Variants in SEPTIN3 observed in about 807,000 individuals in gnomAD.
SEPTIN3 encodes septin 3.
In SEPTIN3, 15 loss-of-function variants were observed where a neutral mutation model predicts 45.1. That is an observed-to-expected ratio of 0.33 (90% CI 0.22 to 0.51). SEPTIN3 has a LOEUF of 0.51. SEPTIN3 is among the 20% of genes least tolerant of loss of function. SEPTIN3 has a pLI of 0.97. For missense variants in SEPTIN3, 289 were observed against 457.2 expected, an observed-to-expected ratio of 0.63 and a Z score of 3.35; for synonymous variants, 148 against 164.8, an observed-to-expected ratio of 0.90 and a Z score of 0.78.
chr22:41,994,916 TGTGTGTGA>T lies in SEPTIN3; in HGVS notation c.2505+203_2505+210del. On this transcript the variant is annotated intron_variant, in intron 11 of 11. Coordinates refer to ENST00000644076, the MANE Select transcript of SEPTIN3 (RefSeq NM_001363845.2). The surrounding 1 kb of genome is among the most constrained non-coding windows in gnomAD (Gnocchi z 4.2). ...GTGTGTGTGTGTGTGTGTGTGTGTGTGTGTGTGACAGAGAGAGAGCGAGAGAGCCTGTG... is the reference window on the plus strand; with the variant it reads ...GTGTGTGTGTGTGTGTGTGTGTGTGTCAGAGAGAGAGCGAGAGAGCCTGTG... 3 of 1,465,400 alleles carry T rather than the reference TGTGTGTGA, an allele frequency of 2.0e-6. No homozygotes were observed. In the South Asian group the frequency reaches 4.0e-5, roughly 20 times the overall value. 90.8% of individuals were successfully genotyped at this position (1,465,400 alleles called of 1,614,324 possible). A position where few individuals can be genotyped will look rare whatever the true frequency, so the allele number is the denominator to read the frequency against.
Position 41,994,778 on chromosome 22 carries a change from A to G in SEPTIN3, c.2505+64A>G, listed in dbSNP as rs773597327. ...ATGACGACCACTTCTCTGTGTCATC[A>G]CACATACCCACTTCACACACACACA... On this transcript the variant is annotated intron_variant, in intron 11 of 11. Coordinates refer to ENST00000644076, the MANE Select transcript of SEPTIN3 (RefSeq NM_001363845.2). This position sits in a 1 kb window ranked among gnomAD's most constrained non-coding sequence, Gnocchi z 4.2. The G allele has an allele frequency of 1.2e-6, 2 of 1,613,450 alleles. No individual in the cohort carries two copies. The highest frequency in any genetic ancestry group is 1.1e-5 in the South Asian group (1 of 91,068).
At chr22:41,991,735 C>A in intron 8 of SEPTIN3, 67 bp downstream of exon 8, 2 of 1,059,738 alleles carry the variant, frequency 1.9e-6, no homozygotes, top group Non-Finnish European at 3.0e-6. Flanking sequence ...GTATTGTGCA[C>A]GTCCTCTGTC....
intron 2 of SEPTIN3, among the ~76,000 whole-genome samples, chr22:41,975,396 C>T (rs2078008043): frequency 6.6e-6 from 1 of 152,074 alleles, no homozygotes; most frequent in Non-Finnish European, 1.5e-5. Context: ...GATTGTCAGA[C>T]CCCTTTCCCT....
intron 7 of SEPTIN3, among the ~76,000 whole-genome samples, chr22:41,990,392 T>G (rs2078287412): frequency 6.6e-6 from 1 of 151,538 alleles, no homozygotes; most frequent in Non-Finnish European, 1.5e-5. Context: ...CTGTGCTGGA[T>G]GTACAGGGTT....
In SEPTIN3 at chr22:41,991,685, C is replaced by G; in HGVS notation, c.2259+17C>G. 6.6e-7 allele frequency: 1 copy of G among 1,525,830 alleles called. No homozygotes were observed. The highest frequency in any genetic ancestry group is 9.1e-7 in the Non-Finnish European group (1 of 1,099,778). 94.5% of individuals were successfully genotyped at this position (1,525,830 alleles called of 1,614,324 possible). A position where few individuals can be genotyped will look rare whatever the true frequency, so the allele number is the denominator to read the frequency against. On this transcript the variant is annotated intron_variant, in intron 8 of 11. Transcript: ENST00000644076. ...AAAATCAGGGTGGGTGCCTGGGGCA[C>G]TGCTCCTCCACTGATGCCCCCTTGC...
In SEPTIN3 at chr22:41,997,162, G is replaced by A; in HGVS notation, c.*195G>A. 1 of 1,069,328 alleles carries A rather than the reference G, an allele frequency of 9.4e-7. No individual in the cohort carries two copies. The highest frequency in any genetic ancestry group is 1.6e-5 in the South Asian group (1 of 61,838). The allele number at this position is 1,069,328 out of a possible 1,614,324, so 66.2% of individuals were successfully genotyped here. On this transcript the variant is annotated 3_prime_UTR_variant, in exon 12 of 12. Coordinates refer to ENST00000644076, the MANE Select transcript of SEPTIN3 (RefSeq NM_001363845.2). ...CCAAACCACTCCTCTCCTCCCAGTG[G>A]AGTGGGGTTCTGCCAGTACAGCCCT...
chr22:41,980,129 CTTTTTTTTTTTTT>C (rs569424612), intron 2 of SEPTIN3, among the ~76,000 whole-genome samples: 10 of 103,408 alleles, frequency 9.7e-5, no homozygotes, highest in East Asian at 2.5e-4. Context: ...TGCTCAGTGC[CTTTTTTTTTTTTT>C]TTTTTTTTTT....
intron 4 of SEPTIN3, among the ~76,000 whole-genome samples, chr22:41,986,467 A>G (rs1401874204): frequency 6.6e-6 from 1 of 152,094 alleles, no homozygotes; most frequent in Non-Finnish European, 1.5e-5. Context: ...CATCTTGGTC[A>G]ACACAGTGAA....
chr22:41,996,751 T>A (rs2078447485), intron 11 of SEPTIN3, 151 bp from the exon 12 acceptor site: 2 of 1,513,164 alleles, frequency 1.3e-6, no homozygotes, highest in African/African-American at 2.8e-5. Flanking sequence ...GGAAGATCTA[T>A]GGGCATGGGA....
intron 2 of SEPTIN3, among the ~76,000 whole-genome samples, chr22:41,973,906 G>T (rs1440792279): frequency 1.3e-5 from 2 of 151,838 alleles, no homozygotes; most frequent in Admixed American, 1.3e-4. Context: ...ACTTGAACCT[G>T]GGAGGCAGAG....
chr22:41,973,091 C>G (rs5758525), intron 2 of SEPTIN3, 95 bp downstream of exon 2: 312,909 of 397,492 alleles, frequency 0.79, 123,673 homozygotes, highest in East Asian at 0.88. Context: ...GGTTGAGAAA[C>G]GGAGGAAGGA....
intron 2 of SEPTIN3, chr22:41,977,203 C>A: frequency 1.2e-6 from 1 of 803,268 alleles, no homozygotes. Flanking sequence ...GATGCGCGGA[C>A]ACACGCACAC....
intron 2 of SEPTIN3, among the ~76,000 whole-genome samples, chr22:41,975,354 G>C (rs928156130): frequency 1.3e-4 from 20 of 152,208 alleles, no homozygotes; most frequent in Admixed American, 8.5e-4. Flanking sequence ...TGCCTAGAAG[G>C]CATCCAGTCT....
chr22:41,988,484 A>T (rs1051652972), intron 6 of SEPTIN3, among the ~76,000 whole-genome samples: 1 of 152,144 alleles, frequency 6.6e-6, no homozygotes, highest in South Asian at 2.1e-4. Context: ...AGCTCTTCAG[A>T]GGATGGCACA....
At chr22:41,989,404 G>A (rs546698262) in intron 6 of SEPTIN3, among the ~76,000 whole-genome samples, 163 bp from the exon 7 acceptor site, 12 of 152,310 alleles carry the variant, frequency 7.9e-5, no homozygotes, top group South Asian at 4.1e-4. Context: ...TCTACAGACG[G>A]CAAGGCAGTG....
chr22:41,981,708 C>T lies in SEPTIN3; in HGVS notation c.1568C>T (p.Pro523Leu), dbSNP rs529444459. ...SELVPEPRPK[P>L]AVPMKPMSIN... ...CTGGTGCCTGAGCCCAGGCCTAAGC[C>T]AGCGGTGCCCATGAAGCCCATGAGC... is the stretch of plus-strand genomic sequence containing the variant. Residue 523 changes from proline to leucine, a missense_variant, in exon 3 of 12, where the codon CCA becomes CTA. By Grantham distance (98) the Pro-to-Leu change is moderately conservative (BLOSUM62 -3). Coordinates refer to ENST00000644076, the MANE Select transcript of SEPTIN3 (RefSeq NM_001363845.2). 4.0e-5 allele frequency: 64 copies of T among 1,614,036 alleles called. 1 individual carries two copies. In the South Asian group the frequency reaches 6.6e-4, roughly 17 times the overall value.
chr22:41,972,384 C>T lies in SEPTIN3; in HGVS notation c.892C>T (p.Pro298Ser), dbSNP rs1404746807. The change falls in exon 2 of 12, where the codon CCT (proline) becomes TCT (serine). Residue 298 changes from proline to serine, a missense_variant. By Grantham distance (74) the Pro-to-Ser change is moderately conservative (BLOSUM62 -1). Coordinates refer to ENST00000644076, the MANE Select transcript of SEPTIN3 (RefSeq NM_001363845.2). Reference protein sequence around the residue: ...TSQLDTGTEFPALDIKLGTAR... With the variant: ...TSQLDTGTEFSALDIKLGTAR... ...CCAACTGGACACAGGCACAGAGTTCCCTGCCCTGGATATCAAGCTGGGCAC... is the reference window on the plus strand; with the variant it reads ...CCAACTGGACACAGGCACAGAGTTCTCTGCCCTGGATATCAAGCTGGGCAC... 12 of 399,030 alleles carry T rather than the reference C, an allele frequency of 3.0e-5. No individual in the cohort carries two copies. The highest frequency in any genetic ancestry group is 4.4e-5 in the Non-Finnish European group (10 of 226,110). The allele number at this position is 399,030 out of a possible 1,614,324, so 24.7% of individuals were successfully genotyped here.
At chr22:41,987,056 A>G (rs1407261760) in intron 4 of SEPTIN3, 150 bp from the exon 5 acceptor site, 1 of 574,380 alleles carries the variant, frequency 1.7e-6, no homozygotes, top group African/African-American at 1.9e-5. Context: ...AGCATAAGCC[A>G]TGATATCGAG....
In SEPTIN3 at chr22:41,981,680, G is replaced by C; in HGVS notation, c.1540G>C (p.Glu514Gln). 1.2e-6 allele frequency: 2 copies of C among 1,613,796 alleles called. No homozygotes were observed. Among genetic ancestry groups the C allele is most frequent in the Non-Finnish European group, 1.7e-6 (2 of 1,180,002 alleles). The part of the protein sequence containing the change: ...PETRTDAAMS[E>Q]LVPEPRPKPA... ...GACCAGGACGGACGCAGCCATGTCA[G>C]AGCTGGTGCCTGAGCCCAGGCCTAA... Residue 514 changes from glutamate to glutamine, a missense_variant, in exon 3 of 12, where the codon GAG becomes CAG. Physicochemically the swap from Glu to Gln is conservative, Grantham distance 29. Transcript: ENST00000644076.
Sources: gnomAD v4.1 joint callset for allele counts (sites outside exome capture counted in the v4.1 genomes callset) on GRCh38, gnomAD v4.1.1 for gene constraint, Gnocchi (gnomAD v3.1) non-coding constraint, MANE v1.5 for transcripts, NCBI Gene and HGNC (gene_info 2026-07-23, HGNC 2026-07-21) for gene names.